Variants in HSD17B12 observed in about 807,000 individuals in gnomAD.
HSD17B12 encodes hydroxysteroid 17-beta dehydrogenase 12, also known as very-long-chain 3-oxoacyl-CoA reductase.
Under a neutral mutation model 39.3 loss-of-function variants are expected in HSD17B12, and 32 were observed. The ratio of observed to expected loss-of-function variants is 0.81; its 90% CI spans 0.61 to 1.09. The LOEUF (loss-of-function observed/expected upper bound fraction) is 1.09, where lower values mean the gene tolerates loss of function less well. HSD17B12 is among the 50% of genes least tolerant of loss of function. HSD17B12 has a pLI of 0.00. For missense variants in HSD17B12, 342 were observed against 382.9 expected (o/e 0.89, Z 0.89); for synonymous variants, 150 against 146.7 (o/e 1.02, Z -0.16).
chr11:43,813,160 G>A (rs934054801), intron 4 of HSD17B12, among the ~76,000 whole-genome samples: 4 of 152,070 alleles, frequency 2.6e-5, no homozygotes, highest in African/African-American at 9.7e-5. Flanking sequence ...TGTTAATACA[G>A]TCATAACCAG....
chr11:43,785,392 A>T (rs531576218), intron 3 of HSD17B12, among the ~76,000 whole-genome samples: 77 of 152,348 alleles, frequency 5.1e-4, no homozygotes, highest in African/African-American at 1.7e-3. Context: ...TATTACATGA[A>T]AACTATTAGT....
chr11:43,790,278 A>G (rs1357150956), intron 3 of HSD17B12, among the ~76,000 whole-genome samples: 2 of 152,236 alleles, frequency 1.3e-5, no homozygotes, highest in Non-Finnish European at 2.9e-5. Flanking sequence ...ATGGTAATGA[A>G]TCACTTTTTG....
At chr11:43,777,330 T>C (rs1950716746) in intron 3 of HSD17B12, among the ~76,000 whole-genome samples, 1 of 152,196 alleles carries the variant, frequency 6.6e-6, no homozygotes, top group East Asian at 1.9e-4. Context: ...ACATCCCTTG[T>C]AAGTTGGATT....
At chr11:43,788,505 T>G (rs1590300960) in intron 3 of HSD17B12, among the ~76,000 whole-genome samples, 1 of 152,052 alleles carries the variant, frequency 6.6e-6, no homozygotes, top group African/African-American at 2.4e-5. Flanking sequence ...TCCTGTGGGC[T>G]CTCACTCAGA....
intron 3 of HSD17B12, among the ~76,000 whole-genome samples, chr11:43,768,894 C>G (rs1033173189): frequency 2.0e-5 from 3 of 152,154 alleles, no homozygotes; most frequent in African/African-American, 7.2e-5. Context: ...TCCATTTTTA[C>G]AGAATGCTGA....
At chr11:43,737,111 A>G (rs866927178) in intron 1 of HSD17B12, among the ~76,000 whole-genome samples, 5 of 152,194 alleles carry the variant, frequency 3.3e-5, no homozygotes, top group Non-Finnish European at 5.9e-5. Context: ...TCGGGGGGAA[A>G]AAAGAGTCAC....
At chr11:43,722,637 A>G (rs2134868030) in intron 1 of HSD17B12, among the ~76,000 whole-genome samples, 1 of 152,260 alleles carries the variant, frequency 6.6e-6, no homozygotes, top group East Asian at 1.9e-4. Flanking sequence ...ACTTGAGGCC[A>G]GGAGTTAGAG....
rs1043591170 is a variant in HSD17B12, at chr11:43,788,277, G to A, written c.284-10043G>A. 7.2e-5 allele frequency among the ~76,000 whole-genome samples: 11 copies of A among 151,922 alleles called. 1 individual carries two copies. In the South Asian group the frequency reaches 1.7e-3, roughly 23 times the overall value. On this transcript the variant is annotated intron_variant, in intron 3 of 10. Transcript: ENST00000278353. ...AGTAACTTACCTCAAGAAAAGATTC[G>A]TTTTACTAAAAAATAACAGAGAGAC... is the stretch of plus-strand genomic sequence containing the variant.
At chr11:43,823,713 T>A (rs1951204882) in intron 6 of HSD17B12, among the ~76,000 whole-genome samples, 1 of 152,192 alleles carries the variant, frequency 6.6e-6, no homozygotes, top group Non-Finnish European at 1.5e-5. Context: ...ACAACACATT[T>A]TTTTTTTATT....
chr11:43,618,115 G>A, the HSD17B12 span, among the ~76,000 whole-genome samples: 18 of 152,100 alleles, frequency 1.2e-4, no homozygotes, highest in Non-Finnish European at 2.2e-4. Context: ...CCACAGTTCT[G>A]CAATTATTCT....
chr11:43,853,197 C>T (rs182173600), intron 9 of HSD17B12: 282 of 152,150 alleles, frequency 1.9e-3, no homozygotes, highest in Non-Finnish European at 3.3e-3. Flanking sequence ...ATTAGCCAGG[C>T]GTGGTGGCGG....
the HSD17B12 span, among the ~76,000 whole-genome samples, chr11:43,618,307 TG>T: frequency 1.3e-5 from 2 of 152,230 alleles, no homozygotes; most frequent in African/African-American, 4.8e-5. Flanking sequence ...TCAGAGATCC[TG>T]GGTTAGAATT....
chr11:43,690,402 A>AT (rs1454701982), intron 1 of HSD17B12, among the ~76,000 whole-genome samples: 2 of 26,222 alleles, frequency 7.6e-5, no homozygotes, highest in African/African-American at 2.2e-4. Flanking sequence ...ATATATATAT[A>AT]TATTTTTTTT....
chr11:43,771,246 T>G (rs1299050492), intron 3 of HSD17B12, among the ~76,000 whole-genome samples: 1 of 152,194 alleles, frequency 6.6e-6, no homozygotes, highest in Non-Finnish European at 1.5e-5. Context: ...ATCCATATTT[T>G]TACATGTAGC....
chr11:43,587,595 G>A, the HSD17B12 span, among the ~76,000 whole-genome samples: 161 of 152,334 alleles, frequency 1.1e-3, no homozygotes, highest in African/African-American at 3.6e-3. Flanking sequence ...TAGAATAAAT[G>A]CTGAACAGCA....
At chr11:43,622,386 G>C in the HSD17B12 span, among the ~76,000 whole-genome samples, 22 of 152,022 alleles carry the variant, frequency 1.4e-4, no homozygotes, top group Non-Finnish European at 2.5e-4. Context: ...CTTGAAGCCA[G>C]GAGTTCAAAA....
chr11:43,793,022 T>C (rs1284364127), intron 3 of HSD17B12, among the ~76,000 whole-genome samples: 1 of 152,176 alleles, frequency 6.6e-6, no homozygotes, highest in Non-Finnish European at 1.5e-5. Flanking sequence ...CCAGACATGG[T>C]GCTAGCTGCA....
At chr11:43,630,225 T>C in the HSD17B12 span, among the ~76,000 whole-genome samples, 3 of 152,302 alleles carry the variant, frequency 2.0e-5, no homozygotes, top group East Asian at 5.8e-4. Flanking sequence ...GAGACCAATT[T>C]CAGCCTTTTG....
At chr11:43,605,133 C>A in the HSD17B12 span, among the ~76,000 whole-genome samples, 76 of 152,118 alleles carry the variant, frequency 5.0e-4, no homozygotes, top group East Asian at 1.2e-3. Flanking sequence ...GAGATAATTC[C>A]CCGGGATTTC....
Sources: allele counts gnomAD v4.1 joint callset (sites outside exome capture counted in the v4.1 genomes callset), GRCh38; gene constraint gnomAD v4.1.1; transcripts MANE v1.5; gene names NCBI Gene and HGNC (gene_info 2026-07-23, HGNC 2026-07-21).